PIWIL3: variants seen among roughly 807,000 people sequenced by gnomAD.
PIWIL3 encodes the protein piwi-like protein 3.
Under a neutral mutation model 109.7 loss-of-function variants are expected in PIWIL3, and 101 were observed. The ratio of observed to expected loss-of-function variants is 0.92; its 90% CI spans 0.78 to 1.09. The LOEUF (loss-of-function observed/expected upper bound fraction) is 1.09, where lower values mean the gene tolerates loss of function less well. PIWIL3 is among the 50% of genes least tolerant of loss of function. The probability of loss-of-function intolerance (pLI) is 0.00; values close to 1 mark genes in which losing one functional copy is unlikely to be tolerated. For missense variants in PIWIL3, 1,031 were observed against 1,072.6 expected (o/e 0.96, Z 0.54); for synonymous variants, 373 against 376.4 (o/e 0.99, Z 0.10).
intron 18 of PIWIL3, among the ~76,000 whole-genome samples, chr22:24,723,905 T>C (rs1922828870): frequency 6.6e-6 from 1 of 152,190 alleles, no homozygotes; most frequent in African/African-American, 2.4e-5. Context: ...CTCAAACTCC[T>C]GACCTCAAGT....
At chr22:24,750,086 T>C (rs1381159942) in intron 9 of PIWIL3, among the ~76,000 whole-genome samples, 1 of 152,178 alleles carries the variant, frequency 6.6e-6, no homozygotes, top group Non-Finnish European at 1.5e-5. Flanking sequence ...TACTCTAACA[T>C]TGTATATGAG....
intron 12 of PIWIL3, among the ~76,000 whole-genome samples, chr22:24,745,462 G>C (rs943196594): frequency 6.6e-6 from 1 of 151,960 alleles, no homozygotes; most frequent in Non-Finnish European, 1.5e-5. Flanking sequence ...CACAAGAATT[G>C]CTTGAACCAG....
At chr22:24,759,088 T>C (rs1925259856) in intron 3 of PIWIL3, among the ~76,000 whole-genome samples, 1 of 152,148 alleles carries the variant, frequency 6.6e-6, no homozygotes, top group Admixed American at 6.5e-5. Flanking sequence ...AAGATGGGAT[T>C]TTGCCATGTT....
At chr22:24,730,088 T>G (rs1012485030) in intron 14 of PIWIL3, among the ~76,000 whole-genome samples, 2 of 152,262 alleles carry the variant, frequency 1.3e-5, no homozygotes, top group East Asian at 3.9e-4. Context: ...CATCACCGGC[T>G]GGGCGCAGAG....
rs759240704 is a variant in PIWIL3, at chr22:24,749,525, T to TA, written c.1217-5dup. On this transcript the variant is annotated splice_region_variant and splice_polypyrimidine_tract_variant and intron_variant, in intron 10 of 20. Coordinates refer to ENST00000616349, the MANE Select transcript of PIWIL3 (RefSeq NM_001255975.1). ...TTACATATTTCATCTGTTAGACCTT[T>TA]AAAAAAATCCAAAAGATACAGCTGA... is the stretch of plus-strand genomic sequence containing the variant. The TA allele has an allele frequency of 2.0e-5, 33 of 1,612,374 alleles. No homozygotes were observed. The African/African-American group carries it at 2.7e-4, about 13-fold the overall frequency.
rs61469163 is a variant in PIWIL3 at position 24,760,780 on chromosome 22, CAAAA to C, written c.103-795_103-792del. Among the ~76,000 whole-genome samples the C allele has an allele frequency of 7.3e-4, 30 of 41,028 alleles. No homozygotes were observed. The East Asian group carries it at 9.6e-3, about 13-fold the overall frequency. The allele number at this position is 41,028 out of a possible 152,430, so 26.9% of individuals were successfully genotyped here. A position where few individuals can be genotyped will look rare whatever the true frequency, so the allele number is the denominator to read the frequency against. ...GGGCAACAAGAGCGAAACTCTGTCT[CAAAA>C]AAAAAAAAAAAAAAAAAAAGCTGTG... On this transcript the variant is annotated intron_variant, in intron 2 of 20. Coordinates refer to ENST00000616349, the MANE Select transcript of PIWIL3 (RefSeq NM_001255975.1).
intron 13 of PIWIL3, 114 bp downstream of exon 13, chr22:24,735,594 T>C (rs1476650478): frequency 1.9e-6 from 2 of 1,059,672 alleles, no homozygotes; most frequent in South Asian, 1.9e-5. Flanking sequence ...GATTAGACTT[T>C]ACAAACTCTA....
At chr22:24,725,416 G>A (rs766022994) in intron 17 of PIWIL3, 29 bp downstream of exon 17, 13 of 1,610,636 alleles carry the variant, frequency 8.1e-6, no homozygotes, top group Admixed American at 5.0e-5. Context: ...GTATAGTGTC[G>A]GGTTCCCCGA....
chr22:24,733,493 C>T (rs1923475587), intron 14 of PIWIL3, among the ~76,000 whole-genome samples: 1 of 152,012 alleles, frequency 6.6e-6, no homozygotes, highest in South Asian at 2.1e-4. Flanking sequence ...GAGTTCGAGA[C>T]CAGTCTGGCC....
At chr22:24,768,245 TG>T (rs1371129655) in intron 1 of PIWIL3, among the ~76,000 whole-genome samples, 2 of 151,226 alleles carry the variant, frequency 1.3e-5, no homozygotes. Context: ...TGTTGTTGTT[TG>T]TTTTTTGTGT....
chr22:24,773,703 A>ATTTTTTTTT (rs61034646), intron 1 of PIWIL3, among the ~76,000 whole-genome samples: 1 of 110,202 alleles, frequency 9.1e-6, no homozygotes, highest in African/African-American at 3.6e-5. Context: ...GACACTCTAG[A>ATTTTTTTTT]TTTTTTTTTT....
At position 24,723,263 on chromosome 22, in the gene PIWIL3, A is replaced by C. The variant is rs753495931; in HGVS notation, c.2232-8T>G. 1 of 1,606,188 alleles carries C rather than the reference A, an allele frequency of 6.2e-7. No individual in the cohort carries two copies. Among genetic ancestry groups the C allele is most frequent in the African/African-American group, 1.3e-5 (1 of 74,876 alleles). On this transcript the variant is annotated splice_polypyrimidine_tract_variant and splice_region_variant and intron_variant, in intron 18 of 20. Coordinates refer to ENST00000616349, the MANE Select transcript of PIWIL3 (RefSeq NM_001255975.1). ...ATGAAAGCTAGAGTGAAACTTAAAA[A>C]AATTAGGGTAAGTGTCACTATGTTT... is the stretch of plus-strand genomic sequence containing the variant.
intron 6 of PIWIL3, 94 bp downstream of exon 6, chr22:24,755,690 A>C (rs1027386362): frequency 3.6e-5 from 54 of 1,493,528 alleles, no homozygotes; most frequent in Non-Finnish European, 4.5e-5. Flanking sequence ...ACTAGGAAGA[A>C]CACTAAGTGC....
chr22:24,757,098 A>AAAAAAAAG (rs1555912998), intron 4 of PIWIL3, among the ~76,000 whole-genome samples: 1 of 146,448 alleles, frequency 6.8e-6, no homozygotes, highest in African/African-American at 2.6e-5. Context: ...AAAAAAAAAA[A>AAAAAAAAG]AAAAGAAAAG....
chr22:24,719,567 G>T lies in PIWIL3; in HGVS notation c.2527C>A (p.Pro843Thr), dbSNP rs774509521. Reference protein sequence around the residue: ...NLPGIIRVPAPCHYAHKLAYL... With the variant: ...NLPGIIRVPATCHYAHKLAYL... ...GCCAGCTTGTGGGCATAGTGGCAAG[G>T]CGCTGGAACTCGGATGATGCCCTTT... The change falls in exon 21 of 21, where the codon CCT (proline) becomes ACT (threonine). Residue 843 changes from proline (P) to threonine (T), a missense_variant. Transcript: ENST00000616349. 6 of 1,600,428 alleles carry T rather than the reference G, an allele frequency of 3.7e-6. No individual in the cohort carries two copies. The East Asian group carries it at 8.9e-5, about 24-fold the overall frequency.
In PIWIL3 at chr22:24,724,903, T is replaced by C; in HGVS notation, c.2215A>G (p.Thr739Ala). 6.2e-7 allele frequency: 1 copy of C among 1,613,752 alleles called. No individual in the cohort carries two copies. Among genetic ancestry groups the C allele is most frequent in the Non-Finnish European group, 8.5e-7 (1 of 1,179,860 alleles). The change falls in exon 18 of 21, where the codon ACC (threonine) becomes GCC (alanine). Residue 739 changes from threonine to alanine, a missense_variant. Physicochemically the swap from Thr to Ala is moderately conservative, Grantham distance 58 (BLOSUM62 0). Coordinates refer to ENST00000616349, the MANE Select transcript of PIWIL3 (RefSeq NM_001255975.1). ...ACAACCTACTTGTTAGGAGAGATGG[T>C]TTTTAAGTAGGTCGACATCTTTTTC... ...EAKKMSTYLK[T>A]ISPNNFTLAF...
At chr22:24,736,266 G>A (rs947589245) in intron 12 of PIWIL3, among the ~76,000 whole-genome samples, 3 of 152,034 alleles carry the variant, frequency 2.0e-5, no homozygotes, top group African/African-American at 4.8e-5. Flanking sequence ...ATTTTGCATC[G>A]GCCTATAATA....
rs1923658817 is a variant in PIWIL3 at position 24,736,369 on chromosome 22, TA to T, written c.1450-478del. Among the ~76,000 whole-genome samples the T allele has an allele frequency of 2.6e-5, 4 of 152,330 alleles. No individual in the cohort carries two copies. The South Asian group carries it at 8.3e-4, about 32-fold the overall frequency. On this transcript the variant is annotated intron_variant, in intron 12 of 20. Transcript: ENST00000616349. Reference sequence around the variant, plus strand: ...GAATCAGTCTTAGTGCAAATAAACTTAATTTTATTTGAAGTTTCTTTTGGAG... The same window carrying T: ...GAATCAGTCTTAGTGCAAATAAACTTATTTTATTTGAAGTTTCTTTTGGAG...
chr22:24,762,308 T>C (rs1925484106), intron 2 of PIWIL3, 90 bp downstream of exon 2: 1 of 1,514,604 alleles, frequency 6.6e-7, no homozygotes, highest in African/African-American at 1.4e-5. Context: ...GCACTATACC[T>C]GAACTAGCTT....
Sources: allele counts gnomAD v4.1 joint callset (sites outside exome capture counted in the v4.1 genomes callset), GRCh38; gene constraint gnomAD v4.1.1; transcripts MANE v1.5; gene names NCBI Gene and HGNC (gene_info 2026-07-23, HGNC 2026-07-21).